The following CWH43 variants were observed in gnomAD, a reference collection of about 807,000 sequenced individuals.
The protein encoded by CWH43 is PGAP2-interacting protein.
A neutral mutation model predicts 85.7 loss-of-function variants in CWH43; 91 were observed. That is an observed-to-expected ratio of 1.06 (90% confidence interval 0.90 to 1.26). The LOEUF (loss-of-function observed/expected upper bound fraction) is 1.26, where lower values mean the gene tolerates loss of function less well. CWH43 is among the 50% of genes most tolerant of loss of function. CWH43 has a pLI of 0.00. For synonymous variants in CWH43, 323 were observed against 293.6 expected (o/e 1.10, Z -1.02); for missense variants, 869 against 839.2 (o/e 1.04, Z -0.44).
intron 15 of CWH43, among the ~76,000 whole-genome samples, chr4:49,051,179 G>T (rs1259134245): frequency 6.6e-6 from 1 of 152,108 alleles, no homozygotes; most frequent in Non-Finnish European, 1.5e-5. Context: ...CCTGTTATAG[G>T]TGCTTTTTGT....
Position 49,044,907 on chromosome 4 carries a change from T to C in CWH43, c.1865+60T>C, listed in dbSNP as rs897700516. ...TTATTAATGTGATCTTTTGGGTCTG[T>C]CTGAGAAGGAAAAAGAACTTTATGG... On this transcript the variant is annotated intron_variant, in intron 14 of 15. Transcript: ENST00000226432. 8.6e-6 allele frequency: 12 copies of C among 1,392,402 alleles called. No individual in the cohort carries two copies. The African/African-American group carries it at 1.6e-4, about 19-fold the overall frequency. The allele number at this position is 1,392,402 out of a possible 1,614,324, so 86.3% of individuals were successfully genotyped here.
In CWH43 at chr4:48,998,541, G is replaced by A; in HGVS notation, c.795G>A (p.Trp265Ter). 1 of 1,612,992 alleles carries A rather than the reference G, an allele frequency of 6.2e-7. No individual in the cohort carries two copies. The highest frequency in any genetic ancestry group is 8.5e-7 in the Non-Finnish European group (1 of 1,179,036). ...TTCGTGGTACTGGTTTGATCTGGTG[G>A]GTTACAGGTATGTGGAATTTACCTG... Reference protein sequence around the residue: ...LWFRGTGLIWWVTGTASAAGL... With the variant: ...LWFRGTGLIW The change falls in exon 6 of 16, where the codon TGG (tryptophan) becomes TGA (stop). Residue 265 changes from tryptophan (W) to a stop codon, truncating the protein, a stop_gained. Coordinates refer to ENST00000226432, the MANE Select transcript of CWH43 (RefSeq NM_025087.3). LOFTEE classifies it high-confidence loss of function.
At chr4:49,032,082 A>G (rs1203067245) in intron 11 of CWH43, among the ~76,000 whole-genome samples, 1 of 152,220 alleles carries the variant, frequency 6.6e-6, no homozygotes, top group Non-Finnish European at 1.5e-5. Flanking sequence ...GCGTCTAGCT[A>G]TGGAAGAGAA....
intron 10 of CWH43, among the ~76,000 whole-genome samples, chr4:49,030,054 C>T (rs1166490139): frequency 2.6e-5 from 4 of 152,180 alleles, no homozygotes; most frequent in African/African-American, 4.8e-5. Flanking sequence ...CTCATCCCAC[C>T]TGACAAGAAA....
At chr4:48,993,705 T>C (rs1782724807) in intron 4 of CWH43, among the ~76,000 whole-genome samples, 1 of 152,188 alleles carries the variant, frequency 6.6e-6, no homozygotes, top group Non-Finnish European at 1.5e-5. Flanking sequence ...GGTTCCTAGG[T>C]TATCTTTACT....
Position 49,032,670 on chromosome 4 carries a change from C to T in CWH43, c.1613C>T (p.Ser538Leu), listed in dbSNP as rs756455299. The T allele has an allele frequency of 1.3e-5, 21 of 1,613,948 alleles. No homozygotes were observed. Among genetic ancestry groups the T allele is most frequent in the East Asian group, 6.7e-5 (3 of 44,896 alleles). ...APAITLTVNISGKLVDFVVTH... is the reference protein window; with the variant it reads ...APAITLTVNILGKLVDFVVTH... The stretch of plus-strand genomic sequence containing the variant: ...GCCATCACATTGACCGTTAACATTT[C>T]GGGCAAGCTGGTGGATTTTGTCGTG... Residue 538 changes from serine to leucine, a missense_variant, in exon 12 of 16, where the codon TCG (serine) becomes TTG (leucine). By Grantham distance (145) the Ser-to-Leu change is moderately radical. Transcript: ENST00000226432.
chr4:49,047,719 A>AGT (rs2109835027), intron 14 of CWH43, among the ~76,000 whole-genome samples: 1 of 151,700 alleles, frequency 6.6e-6, no homozygotes, highest in African/African-American at 2.4e-5. Flanking sequence ...GGAAGGAGAG[A>AGT]GTGTGTGGGC....
chr4:49,044,952 C>A, intron 14 of CWH43, 105 bp downstream of exon 14: 1 of 848,442 alleles, frequency 1.2e-6, no homozygotes, highest in Non-Finnish European at 1.9e-6. Flanking sequence ...ATTTTTGTTG[C>A]TTTTTATAAA....
chr4:49,021,368 T>C (rs558371417), intron 9 of CWH43, among the ~76,000 whole-genome samples: 237 of 152,282 alleles, frequency 1.6e-3, no homozygotes, highest in Non-Finnish European at 2.8e-3. Flanking sequence ...ACTGTAATCA[T>C]TTGGCTTATT....
chr4:48,988,985 G>A (rs1560482804), intron 2 of CWH43, among the ~76,000 whole-genome samples: 1 of 152,118 alleles, frequency 6.6e-6, no homozygotes, highest in Non-Finnish European at 1.5e-5. Context: ...ACACTCAGGA[G>A]CCATTTAAAA....
At chr4:49,034,713 G>T (rs1287386231) in intron 12 of CWH43, among the ~76,000 whole-genome samples, 2 of 152,126 alleles carry the variant, frequency 1.3e-5, no homozygotes, top group African/African-American at 2.4e-5. Context: ...AATCTGGTTT[G>T]AAATCTAATT....
intron 9 of CWH43, among the ~76,000 whole-genome samples, chr4:49,022,836 A>G (rs76854757): frequency 0.018 from 2,812 of 152,242 alleles, 39 homozygotes; most frequent in African/African-American, 0.046. Flanking sequence ...TATGTATATA[A>G]AGATGTTCAT....
intron 15 of CWH43, among the ~76,000 whole-genome samples, chr4:49,052,530 T>C (rs1480287003): frequency 6.6e-6 from 1 of 152,182 alleles, no homozygotes; most frequent in Non-Finnish European, 1.5e-5. Context: ...CTTTTGCTGA[T>C]TGAGATGGTT....
chr4:49,061,387 T>A (rs919864341), intron 15 of CWH43, among the ~76,000 whole-genome samples: 1 of 152,256 alleles, frequency 6.6e-6, no homozygotes, highest in Non-Finnish European at 1.5e-5. Context: ...CAGAGCTGTA[T>A]AATTAAATAG....
chr4:49,034,983 G>A (rs149769589), intron 12 of CWH43, among the ~76,000 whole-genome samples: 2 of 152,270 alleles, frequency 1.3e-5, no homozygotes, highest in African/African-American at 4.8e-5. Flanking sequence ...CATCTGACAT[G>A]TCCCAAGCAC....
chr4:49,021,389 C>G (rs1372197110), intron 9 of CWH43, among the ~76,000 whole-genome samples: 1 of 152,188 alleles, frequency 6.6e-6, no homozygotes, highest in Non-Finnish European at 1.5e-5. Flanking sequence ...TCTGGGTTCT[C>G]TACTCTGTTC....
At chr4:48,993,007 A>C (rs1782702279) in intron 4 of CWH43, among the ~76,000 whole-genome samples, 1 of 152,140 alleles carries the variant, frequency 6.6e-6, no homozygotes, top group South Asian at 2.1e-4. Context: ...CGGGCAGCCC[A>C]TTTTGCCGGT....
intron 8 of CWH43, among the ~76,000 whole-genome samples, chr4:49,008,434 A>G (rs1228255620): frequency 6.6e-6 from 1 of 151,486 alleles, no homozygotes; most frequent in African/African-American, 2.4e-5. Flanking sequence ...TTTCCTGTTC[A>G]CTCTGATGGT....
chr4:49,032,520 A>G, intron 11 of CWH43, 46 bp from the exon 12 acceptor site: 1 of 1,609,404 alleles, frequency 6.2e-7, no homozygotes, highest in South Asian at 1.1e-5. Context: ...TGCATGGTAG[A>G]ATGGGACTGA....
Sources: allele counts gnomAD v4.1 joint callset (sites outside exome capture counted in the v4.1 genomes callset), GRCh38; gene constraint gnomAD v4.1.1; transcripts MANE v1.5; gene names NCBI Gene and HGNC (gene_info 2026-07-23, HGNC 2026-07-21).